The following FGGY variants were observed in gnomAD, a reference collection of about 807,000 sequenced individuals.
FGGY encodes FGGY carbohydrate kinase domain-containing protein.
FGGY carries 72 observed loss-of-function variants against 71.3 expected under a neutral mutation model. The ratio of observed to expected loss-of-function variants is 1.01; its 90% confidence interval spans 0.84 to 1.23. The LOEUF (loss-of-function observed/expected upper bound fraction) is 1.23. FGGY is among the 50% of genes most tolerant of loss of function. The pLI is 0.00. For synonymous variants in FGGY, 251 were observed against 250.3 expected, an observed-to-expected ratio of 1.00 and a Z score of -0.02; for missense variants, 668 against 682.3, an observed-to-expected ratio of 0.98 and a Z score of 0.23.
intron 8 of FGGY, among the ~76,000 whole-genome samples, chr1:59,590,153 C>T (rs145376407): frequency 0.015 from 2,345 of 152,214 alleles, 64 homozygotes; most frequent in African/African-American, 0.054. Flanking sequence ...GAGAATACTA[C>T]AAACACCTCT....
chr1:59,508,460 T>C (rs903158599), intron 6 of FGGY, among the ~76,000 whole-genome samples: 2 of 152,208 alleles, frequency 1.3e-5, no homozygotes, highest in Non-Finnish European at 2.9e-5. Context: ...AAAGCAATGC[T>C]GTGAATAATT....
chr1:59,491,159 CT>C (rs1471295633), intron 6 of FGGY, among the ~76,000 whole-genome samples: 1 of 142,490 alleles, frequency 7.0e-6, no homozygotes, highest in Non-Finnish European at 1.5e-5. Context: ...CTCTTTCTCT[CT>C]TTTTTTCTTT....
chr1:59,302,669 G>T (rs1442140343), intron 1 of FGGY, among the ~76,000 whole-genome samples: 1 of 151,902 alleles, frequency 6.6e-6, no homozygotes, highest in Non-Finnish European at 1.5e-5. Context: ...CTACTTGAGG[G>T]TTAGATCTAC....
chr1:59,434,932 T>C (rs897808794), intron 5 of FGGY, among the ~76,000 whole-genome samples: 3 of 152,214 alleles, frequency 2.0e-5, no homozygotes, highest in African/African-American at 7.2e-5. Flanking sequence ...AAACAAAATA[T>C]GTCTTTGGGC....
Position 59,378,831 on chromosome 1 carries a change from C to T in FGGY, c.548C>T (p.Thr183Ile), listed in dbSNP as rs142640444. ...TTATCGTGGAAGGCAACAGGTGTCA[C>T]AGCACGGTATGTTAATTACAAGTTG... ...DFLSWKATGV[T>I]ARSLCSLVCK... is the part of the protein sequence containing the mutation. Residue 183 changes from threonine (T) to isoleucine (I), a missense_variant, in exon 5 of 16, where the codon ACA becomes ATA. Thr to Ile is a moderately conservative substitution (Grantham distance 89). Coordinates refer to ENST00000303721, the MANE Select transcript of FGGY (RefSeq NM_018291.5). The T allele has an allele frequency of 3.3e-5, 54 of 1,612,258 alleles. No individual in the cohort carries two copies. Among genetic ancestry groups the T allele is most frequent in the Admixed American group, 5.0e-5 (3 of 59,902 alleles).
chr1:59,682,326 A>T (rs1280087521), intron 14 of FGGY, among the ~76,000 whole-genome samples: 1 of 151,986 alleles, frequency 6.6e-6, no homozygotes, highest in Non-Finnish European at 1.5e-5. Context: ...TCAGAAATAG[A>T]TGACAAGAAT....
chr1:59,415,410 A>G (rs1306410793), intron 5 of FGGY, among the ~76,000 whole-genome samples: 1 of 152,204 alleles, frequency 6.6e-6, no homozygotes, highest in Non-Finnish European at 1.5e-5. Context: ...CATAAGTGCT[A>G]TTTAGAAATA....
At chr1:59,642,625 C>CAAA (rs1250512969) in intron 11 of FGGY, among the ~76,000 whole-genome samples, 12 of 57,624 alleles carry the variant, frequency 2.1e-4, no homozygotes, top group East Asian at 6.8e-4. Context: ...GACTCCGTCT[C>CAAA]AAAAAAAAAA....
chr1:59,433,592 CTT>C (rs2067824292), intron 5 of FGGY, among the ~76,000 whole-genome samples: 1 of 152,184 alleles, frequency 6.6e-6, no homozygotes. Context: ...GGCAAAATCT[CTT>C]TGCCTTAACC....
intron 5 of FGGY, among the ~76,000 whole-genome samples, chr1:59,411,828 T>C (rs2063645529): frequency 6.6e-6 from 1 of 151,740 alleles, no homozygotes; most frequent in South Asian, 2.1e-4. Context: ...TCTCCATCTT[T>C]TTTAAGGCAT....
intron 3 of FGGY, among the ~76,000 whole-genome samples, chr1:59,342,502 A>G (rs972454966): frequency 2.0e-5 from 3 of 152,220 alleles, no homozygotes; most frequent in African/African-American, 7.2e-5. Flanking sequence ...TATTCCACCT[A>G]AAAGGTTAAA....
intron 2 of FGGY, among the ~76,000 whole-genome samples, chr1:59,337,151 G>A (rs1278460046): frequency 6.6e-6 from 1 of 151,506 alleles, no homozygotes; most frequent in Non-Finnish European, 1.5e-5. Context: ...GCTAGGGAAT[G>A]CCAGTAGTGT....
intron 14 of FGGY, among the ~76,000 whole-genome samples, chr1:59,735,970 C>T (rs2098098919): frequency 6.6e-6 from 1 of 152,110 alleles, no homozygotes; most frequent in Non-Finnish European, 1.5e-5. Flanking sequence ...ATTTTGAATT[C>T]CCCCATGTTG....
chr1:59,409,973 A>G (rs769476181), intron 5 of FGGY, among the ~76,000 whole-genome samples: 1 of 152,190 alleles, frequency 6.6e-6, no homozygotes, highest in Non-Finnish European at 1.5e-5. Flanking sequence ...GCTCAAGATC[A>G]CACAGGACAC....
intron 14 of FGGY, among the ~76,000 whole-genome samples, chr1:59,742,720 C>T (rs186585981): frequency 2.6e-4 from 40 of 152,336 alleles, no homozygotes; most frequent in Middle Eastern, 3.4e-3. Flanking sequence ...AATGGCACCA[C>T]GTGTCCTTAC....
intron 8 of FGGY, among the ~76,000 whole-genome samples, chr1:59,593,940 T>A (rs534047432): frequency 6.6e-6 from 1 of 152,330 alleles, no homozygotes; most frequent in South Asian, 2.1e-4. Flanking sequence ...AGGCAGCTAC[T>A]CTGTGTCAGA....
chr1:59,521,424 A>T (rs2094829861), intron 7 of FGGY, among the ~76,000 whole-genome samples: 1 of 152,132 alleles, frequency 6.6e-6, no homozygotes, highest in Non-Finnish European at 1.5e-5. Flanking sequence ...GACTCTGTGG[A>T]AGAAAACCGA....
At chr1:59,547,053 A>G (rs1301627646) in intron 7 of FGGY, among the ~76,000 whole-genome samples, 1 of 150,430 alleles carries the variant, frequency 6.6e-6, no homozygotes, top group Admixed American at 6.6e-5. Context: ...CCTGCATTCA[A>G]GCAATTCTCC....
At chr1:59,660,408 T>C in intron 12 of FGGY, 115 bp downstream of exon 12, 3 of 755,820 alleles carry the variant, frequency 4.0e-6, no homozygotes, top group Non-Finnish European at 6.1e-6. Flanking sequence ...AATTAAAAGA[T>C]TGTTTGCAAA....
Sources: allele counts gnomAD v4.1 joint callset (sites outside exome capture counted in the v4.1 genomes callset), GRCh38; gene constraint gnomAD v4.1.1; transcripts MANE v1.5; gene names NCBI Gene and HGNC (gene_info 2026-07-23, HGNC 2026-07-21).